The following TRIO variants were observed in gnomAD, a reference collection of about 807,000 sequenced individuals.
The protein encoded by TRIO is trio Rho guanine nucleotide exchange factor, also known as triple functional domain protein.
In TRIO, 58 loss-of-function variants were observed where a neutral mutation model predicts 351.9. The ratio of observed to expected loss-of-function variants is 0.16; its 90% CI spans 0.13 to 0.21. TRIO has a LOEUF of 0.21. Ranked by LOEUF, TRIO falls within the 10% of genes least tolerant of loss-of-function variation. TRIO has a pLI of 1.00. For synonymous variants in TRIO, 1,758 were observed against 1,595.7 expected, an observed-to-expected ratio of 1.10 and a Z score of -2.42; for missense variants, 3,201 against 4,027.8, an observed-to-expected ratio of 0.79 and a Z score of 5.56.
rs185309664 is a variant in TRIO, at chr5:14,272,126, C to G, written c.232+1227C>G. Among the ~76,000 whole-genome samples, 323 of 152,312 alleles carry G rather than the reference C, an allele frequency of 2.1e-3. 2 individuals are homozygous for G. Among genetic ancestry groups the G allele is most frequent in the Middle Eastern group, 0.014 (4 of 294 alleles). On this transcript the variant is annotated intron_variant, in intron 2 of 56. Transcript: ENST00000344204. ...TTGCTCTTCTCTAATCATTTACTGACAAACTGCATTGTAAGGACTCATGCC... is the reference window on the plus strand; with the variant it reads ...TTGCTCTTCTCTAATCATTTACTGAGAAACTGCATTGTAAGGACTCATGCC...
intron 1 of TRIO, among the ~76,000 whole-genome samples, chr5:14,184,731 C>A (rs950889604): frequency 1.2e-4 from 19 of 152,072 alleles, no homozygotes; most frequent in Non-Finnish European, 2.5e-4. Context: ...GTAGTTAGTT[C>A]TTGGTGTTTC....
Position 14,289,720 on chromosome 5 carries a change from G to T in TRIO, c.541-996G>T, listed in dbSNP as rs1215204215. On this transcript the variant is annotated intron_variant, in intron 4 of 56. Coordinates refer to ENST00000344204, the MANE Select transcript of TRIO (RefSeq NM_007118.4). ...AAAGAATTAGCCTGGTGTGGTGGTG[G>T]GCACCTGTAGTCCCAGCTACTCGGG... Among the ~76,000 whole-genome samples the T allele has an allele frequency of 3.3e-5, 5 of 151,868 alleles. No homozygotes were observed. In the South Asian group the frequency reaches 1.0e-3, roughly 32 times the overall value.
chr5:14,487,760 C>A lies in TRIO; in HGVS notation c.7132C>A (p.Pro2378Thr). Residue 2378 changes from proline to threonine, a missense_variant, in exon 48 of 57, where the codon CCC becomes ACC. Around this residue, in one of 19 missense-constraint regions of TRIO, gnomAD observed 1,089 missense variants for 954.9 expected, o/e 1.14. Coordinates refer to ENST00000344204, the MANE Select transcript of TRIO (RefSeq NM_007118.4). The part of the protein sequence containing the change: ...GTSTPGPSLP[P>T]PGAAPEAGPS... ...GTCCACCCCCGGGCCCTCCCTGCCT[C>A]CCCCTGGCGCGGCCCCCGAGGCCGG... 7.2e-7 allele frequency: 1 copy of A among 1,380,838 alleles called. No individual in the cohort carries two copies. Among genetic ancestry groups the A allele is most frequent in the Non-Finnish European group, 9.4e-7 (1 of 1,063,510 alleles). The allele number at this position is 1,380,838 out of a possible 1,614,324, so 85.5% of individuals were successfully genotyped here.
chr5:14,204,459 CA>C (rs1278308107), intron 1 of TRIO, among the ~76,000 whole-genome samples: 8 of 152,166 alleles, frequency 5.3e-5, no homozygotes, highest in African/African-American at 1.9e-4. Flanking sequence ...TAGGGACAAG[CA>C]AGGTCCTGGC....
At chr5:14,165,360 C>T (rs985587258) in intron 1 of TRIO, among the ~76,000 whole-genome samples, 11 of 152,140 alleles carry the variant, frequency 7.2e-5, no homozygotes, top group Admixed American at 2.6e-4. Flanking sequence ...CGAGAACATG[C>T]AGTATTTGGT....
chr5:14,232,911 TG>T (rs1302917714), intron 1 of TRIO, among the ~76,000 whole-genome samples: 2 of 152,196 alleles, frequency 1.3e-5, no homozygotes, highest in Non-Finnish European at 2.9e-5. Context: ...AACTTGGAGC[TG>T]GGGGTGCCAG....
intron 1 of TRIO, among the ~76,000 whole-genome samples, chr5:14,197,296 C>T (rs1790837547): frequency 3.5e-5 from 2 of 57,374 alleles, no homozygotes; most frequent in South Asian, 7.1e-4. Context: ...AAGTGTGTAT[C>T]GAGGTGCTTC....
chr5:14,291,968 C>T (rs183762727), intron 5 of TRIO, among the ~76,000 whole-genome samples: 69 of 152,206 alleles, frequency 4.5e-4, no homozygotes, highest in African/African-American at 1.6e-3. Context: ...TATTCTTATG[C>T]ACCAGGCAGA....
chr5:14,387,276 C>T, intron 21 of TRIO, 162 bp from the exon 22 acceptor site: 2 of 595,830 alleles, frequency 3.4e-6, no homozygotes, highest in Non-Finnish European at 2.9e-6. Flanking sequence ...GGTCAGGAAT[C>T]CGGGAGATGG....
At chr5:14,354,674 C>T (rs1477742073) in intron 11 of TRIO, among the ~76,000 whole-genome samples, 2 of 152,226 alleles carry the variant, frequency 1.3e-5, no homozygotes, top group Non-Finnish European at 2.9e-5. Context: ...TTCACTTCTG[C>T]TCCAAGTTTG....
At position 14,294,911 on chromosome 5, in the gene TRIO, T is replaced by A. The variant is rs187726473; in HGVS notation, c.1176+1777T>A. Among the ~76,000 whole-genome samples the A allele has an allele frequency of 3.1e-3, 466 of 152,336 alleles. 1 individual carries two copies. The highest frequency in any genetic ancestry group is 0.011 in the African/African-American group (441 of 41,576). ...AGGTAAGAAACTTAAAAGTATGAGT[T>A]ACAGCTATTTTTTTTGGGAGGGGGG... On this transcript the variant is annotated intron_variant, in intron 6 of 56. Coordinates refer to ENST00000344204, the MANE Select transcript of TRIO (RefSeq NM_007118.4).
intron 8 of TRIO, among the ~76,000 whole-genome samples, chr5:14,313,771 G>A (rs140585630): frequency 1.6e-4 from 24 of 152,304 alleles, no homozygotes; most frequent in African/African-American, 1.7e-4. Context: ...AGTTCTTGGC[G>A]GCAAGGAGGA....
At position 14,244,210 on chromosome 5, in the gene TRIO, T is replaced by C. The variant is rs149457337; in HGVS notation, c.158-26615T>C. 1.7e-4 allele frequency among the ~76,000 whole-genome samples: 26 copies of C among 152,382 alleles called. No individual in the cohort carries two copies. In the East Asian group the frequency reaches 4.8e-3, roughly 28 times the overall value. On this transcript the variant is annotated intron_variant, in intron 1 of 56. Coordinates refer to ENST00000344204, the MANE Select transcript of TRIO (RefSeq NM_007118.4). ...TTATAATCTGTTTTTCACAAAGATA[T>C]TTACAATGTTGTATTATATTTTGCA...
chr5:14,442,405 G>T (rs952288646), intron 34 of TRIO, among the ~76,000 whole-genome samples: 1 of 152,138 alleles, frequency 6.6e-6, no homozygotes, highest in African/African-American at 2.4e-5. Flanking sequence ...GGATCAAAAG[G>T]GGGGCACAGA....
At chr5:14,417,940 T>C (rs1289480081) in intron 33 of TRIO, among the ~76,000 whole-genome samples, 1 of 152,176 alleles carries the variant, frequency 6.6e-6, no homozygotes, top group East Asian at 1.9e-4. Context: ...CTACCACCAC[T>C]GGCACTGGGG....
chr5:14,214,037 TC>T (rs1792072427), intron 1 of TRIO, among the ~76,000 whole-genome samples: 1 of 152,188 alleles, frequency 6.6e-6, no homozygotes, highest in Admixed American at 6.5e-5. Context: ...CTACAAGTGA[TC>T]CCCTTGAGAA....
At chr5:14,313,401 T>C (rs1424677299) in intron 8 of TRIO, among the ~76,000 whole-genome samples, 1 of 152,180 alleles carries the variant, frequency 6.6e-6, no homozygotes, top group African/African-American at 2.4e-5. Flanking sequence ...GCAGAGACAC[T>C]CAAGGAAAGA....
chr5:14,293,286 G>T, intron 6 of TRIO, 152 bp downstream of exon 6: 1 of 1,093,220 alleles, frequency 9.1e-7, no homozygotes, highest in Non-Finnish European at 1.3e-6. Context: ...GTTCCCTAGG[G>T]TTCCATTGTC....
chr5:14,215,306 G>A (rs902090571), intron 1 of TRIO, among the ~76,000 whole-genome samples: 2 of 152,176 alleles, frequency 1.3e-5, no homozygotes, highest in Non-Finnish European at 2.9e-5. Flanking sequence ...TTTCACAAAC[G>A]TTCTTTTGTA....
Sources: allele counts gnomAD v4.1 joint callset (sites outside exome capture counted in the v4.1 genomes callset), GRCh38; gene constraint gnomAD v4.1.1; regional missense constraint gnomAD v4.1.1; transcripts MANE v1.5; gene names NCBI Gene and HGNC (gene_info 2026-07-23, HGNC 2026-07-21).